Variants in ZC3H12B observed in about 807,000 individuals in gnomAD.
ZC3H12B encodes the protein probable ribonuclease ZC3H12B.
Under a neutral mutation model 43.9 loss-of-function variants are expected in ZC3H12B, and 7 were observed. That is an observed-to-expected ratio of 0.16 (90% CI 0.09 to 0.30). The LOEUF is 0.30. Ranked by LOEUF, ZC3H12B falls within the 10% of genes least tolerant of loss-of-function variation. The pLI is 1.00. For missense variants in ZC3H12B, 475 were observed against 670.2 expected (o/e 0.71, Z 3.22); for synonymous variants, 222 against 241.7 (o/e 0.92, Z 0.76).
chrX:65,133,548 C>A, the ZC3H12B span, among the ~76,000 whole-genome samples: 2 of 111,533 alleles, frequency 1.8e-5, no homozygotes, highest in Non-Finnish European at 3.8e-5. Context: ...CTTGGCTATG[C>A]CTTCAGCTCC....
the ZC3H12B span, among the ~76,000 whole-genome samples, chrX:65,359,889 A>T: frequency 8.9e-6 from 1 of 112,233 alleles, no homozygotes; most frequent in Non-Finnish European, 1.9e-5. Flanking sequence ...GAGAAATGGT[A>T]TAAAAGAAAG....
At chrX:65,397,028 G>A (rs1047023592) in intron 2 of ZC3H12B, among the ~76,000 whole-genome samples, 3 of 110,623 alleles carry the variant, frequency 2.7e-5, no homozygotes, top group Admixed American at 9.6e-5. Context: ...TTGCAACCTC[G>A]GCTTTTTTTG....
the ZC3H12B span, among the ~76,000 whole-genome samples, chrX:65,112,833 A>T: frequency 8.9e-6 from 1 of 111,870 alleles, no homozygotes; most frequent in African/African-American, 3.2e-5. Flanking sequence ...ATAACAGAAT[A>T]TCCCTTCTAC....
chrX:65,341,448 G>C, the ZC3H12B span, among the ~76,000 whole-genome samples: 1 of 111,382 alleles, frequency 9.0e-6, no homozygotes, highest in Non-Finnish European at 1.9e-5. Context: ...AAATGTTAAA[G>C]TCAGCTATAG....
At chrX:65,261,288 C>T in the ZC3H12B span, among the ~76,000 whole-genome samples, 6 of 111,484 alleles carry the variant, frequency 5.4e-5, no homozygotes, top group Admixed American at 1.9e-4. Flanking sequence ...TCATTTGGGA[C>T]CTTGCACAGA....
chrX:65,162,413 G>T, the ZC3H12B span, among the ~76,000 whole-genome samples: 12 of 111,959 alleles, frequency 1.1e-4, no homozygotes. Context: ...CCAATCAGAC[G>T]TAGATTTGGT....
chrX:65,158,754 T>A, the ZC3H12B span, among the ~76,000 whole-genome samples: 1 of 112,166 alleles, frequency 8.9e-6, no homozygotes, highest in African/African-American at 3.2e-5. Flanking sequence ...TTTCTTTTGC[T>A]GTGCAGAAGC....
the ZC3H12B span, among the ~76,000 whole-genome samples, chrX:65,309,375 C>A: frequency 2.9e-4 from 33 of 111,887 alleles, 1 homozygote; most frequent in African/African-American, 8.8e-4. Flanking sequence ...CACATCTACG[C>A]AAATAAACTA....
At chrX:65,451,423 T>A (rs996986668) in intron 3 of ZC3H12B, among the ~76,000 whole-genome samples, 3 of 111,933 alleles carry the variant, frequency 2.7e-5, no homozygotes, top group East Asian at 2.8e-4. Flanking sequence ...TTCTTTAGGA[T>A]CAGTGTCTAG....
At chrX:65,455,797 G>A (rs931447527) in intron 3 of ZC3H12B, among the ~76,000 whole-genome samples, 1 of 112,201 alleles carries the variant, frequency 8.9e-6, no homozygotes, top group Non-Finnish European at 1.9e-5. Context: ...AACTCTACAA[G>A]CCAGAAGAGA....
At chrX:65,058,219 A>G in the ZC3H12B span, among the ~76,000 whole-genome samples, 1 of 109,885 alleles carries the variant, frequency 9.1e-6, no homozygotes, top group Non-Finnish European at 1.9e-5. Flanking sequence ...GGTTTTATCT[A>G]CCTTTGGTCT....
At chrX:65,317,504 T>G in the ZC3H12B span, among the ~76,000 whole-genome samples, 1 of 109,261 alleles carries the variant, frequency 9.2e-6, no homozygotes, top group Non-Finnish European at 1.9e-5. Flanking sequence ...TGAATCCAAT[T>G]TGTAGTATTT....
At chrX:65,394,440 A>G (rs1431932374) in intron 2 of ZC3H12B, among the ~76,000 whole-genome samples, 1 of 112,472 alleles carries the variant, frequency 8.9e-6, no homozygotes, top group Non-Finnish European at 1.9e-5. Flanking sequence ...TTTTCCCAAC[A>G]TCATTTATTA....
chrX:65,275,174 G>A, the ZC3H12B span, among the ~76,000 whole-genome samples: 1 of 112,692 alleles, frequency 8.9e-6, no homozygotes, highest in Non-Finnish European at 1.9e-5. Flanking sequence ...TGTGTCATGG[G>A]TCTGAGAAAA....
the ZC3H12B span, among the ~76,000 whole-genome samples, chrX:65,233,142 T>C: frequency 1.8e-5 from 2 of 111,795 alleles, no homozygotes; most frequent in Non-Finnish European, 3.8e-5. Context: ...CACAATACAA[T>C]TACAGTGGGG....
At chrX:65,105,450 T>C in the ZC3H12B span, among the ~76,000 whole-genome samples, 2 of 110,755 alleles carry the variant, frequency 1.8e-5, no homozygotes, top group Non-Finnish European at 3.8e-5. Flanking sequence ...ATAGCGGACA[T>C]AGGGAGCAGC....
At chrX:65,207,671 G>A in the ZC3H12B span, among the ~76,000 whole-genome samples, 2 of 100,280 alleles carry the variant, frequency 2.0e-5, no homozygotes, top group Non-Finnish European at 4.0e-5. Context: ...CTCTTTTTTG[G>A]TTCCATATGA....
chrX:65,268,685 G>C, the ZC3H12B span, among the ~76,000 whole-genome samples: 2 of 112,067 alleles, frequency 1.8e-5, no homozygotes, highest in Non-Finnish European at 3.8e-5. Context: ...AAAATAATTT[G>C]ACAAAATTCA....
chrX:65,055,427 G>A, the ZC3H12B span, among the ~76,000 whole-genome samples: 6 of 111,704 alleles, frequency 5.4e-5, no homozygotes, highest in Non-Finnish European at 1.1e-4. Context: ...TGCATCCCAG[G>A]GATGAAGCCC....
Sources: gnomAD v4.1 joint callset for allele counts (sites outside exome capture counted in the v4.1 genomes callset) on GRCh38, gnomAD v4.1.1 for gene constraint, MANE v1.5 for transcripts, NCBI Gene and HGNC (gene_info 2026-07-23, HGNC 2026-07-21) for gene names.